The following CSMD1 variants were observed in gnomAD, a reference collection of about 807,000 sequenced individuals.
CSMD1 encodes CUB and sushi domain-containing protein 1.
CSMD1 carries 213 observed loss-of-function variants against 417.5 expected under a neutral mutation model. The ratio of observed to expected loss-of-function variants is 0.51; its 90% CI spans 0.46 to 0.57. The LOEUF is 0.57. Among genes scored for constraint, CSMD1 ranks in the 20% least tolerant of loss-of-function variants. The pLI is 0.00. For missense variants in CSMD1, 6,923 were observed against 4,529.7 expected, an observed-to-expected ratio of 1.53 and a Z score of -15.17; for synonymous variants, 2,862 against 1,736.8, an observed-to-expected ratio of 1.65 and a Z score of -16.11.
intron 3 of CSMD1, among the ~76,000 whole-genome samples, chr8:4,156,801 A>G (rs1320072109): frequency 6.6e-6 from 1 of 152,170 alleles, no homozygotes; most frequent in East Asian, 1.9e-4. Context: ...CAAATTACAG[A>G]TCCCAGCAGC....
intron 25 of CSMD1, among the ~76,000 whole-genome samples, chr8:3,306,713 CTG>C (rs1172514952): frequency 6.6e-6 from 1 of 152,148 alleles, no homozygotes; most frequent in African/African-American, 2.4e-5. Context: ...TTGGTTAGGA[CTG>C]TGTGTCCACT....
chr8:4,179,141 G>C (rs1386236333), intron 3 of CSMD1, among the ~76,000 whole-genome samples: 1 of 152,080 alleles, frequency 6.6e-6, no homozygotes, highest in Non-Finnish European at 1.5e-5. Context: ...GCCAAAGGAA[G>C]AAAGCTGGAG....
At chr8:4,772,319 G>C (rs113041143) in intron 1 of CSMD1, among the ~76,000 whole-genome samples, 1 of 152,096 alleles carries the variant, frequency 6.6e-6, no homozygotes, top group Non-Finnish European at 1.5e-5. Context: ...TCATCTTTAC[G>C]CATCTTCTAT....
At chr8:3,202,886 T>A (rs1049856574) in intron 31 of CSMD1, among the ~76,000 whole-genome samples, 1 of 152,194 alleles carries the variant, frequency 6.6e-6, no homozygotes, top group Admixed American at 6.5e-5. Flanking sequence ...GCATGTAGGC[T>A]AGGTGAATTT....
intron 3 of CSMD1, among the ~76,000 whole-genome samples, chr8:4,091,663 A>C (rs961983880): frequency 6.6e-6 from 1 of 152,202 alleles, no homozygotes; most frequent in Admixed American, 6.5e-5. Flanking sequence ...CTTCAAAATC[A>C]ATGCTCACTC....
intron 1 of CSMD1, among the ~76,000 whole-genome samples, chr8:4,926,762 A>G (rs920535200): frequency 1.3e-5 from 2 of 152,252 alleles, no homozygotes; most frequent in African/African-American, 4.8e-5. Context: ...AAATTCACCA[A>G]TGCTTTCATG....
intron 2 of CSMD1, among the ~76,000 whole-genome samples, chr8:4,540,707 C>A (rs1053194225): frequency 6.6e-6 from 1 of 152,164 alleles, no homozygotes; most frequent in Non-Finnish European, 1.5e-5. Flanking sequence ...ACTGTAACTG[C>A]GGATGCTTAC....
chr8:4,003,415 C>CAAAT lies in CSMD1; in HGVS notation c.611-5306_611-5305insATTT, dbSNP rs1444043117. Reference sequence around the variant, plus strand: ...CTCAATAAACAAACAAACAAAAAAACAAACAAATAAATAAATAAATAAATA... The same window carrying CAAAT: ...CTCAATAAACAAACAAACAAAAAAACAAATAAACAAATAAATAAATAAATAAATA... On this transcript the variant is annotated intron_variant, in intron 4 of 69. Coordinates refer to ENST00000635120, the MANE Select transcript of CSMD1 (RefSeq NM_033225.6). Among the ~76,000 whole-genome samples, 99 of 134,080 alleles carry CAAAT rather than the reference C, an allele frequency of 7.4e-4. 1 individual carries two copies. The Middle Eastern group carries it at 0.011, about 15-fold the overall frequency. The allele number at this position is 134,080 out of a possible 152,430, so 88.0% of individuals were successfully genotyped here.
At chr8:4,186,866 A>G (rs1190842313) in intron 3 of CSMD1, among the ~76,000 whole-genome samples, 2 of 150,052 alleles carry the variant, frequency 1.3e-5, no homozygotes, top group African/African-American at 2.5e-5. Context: ...CGTGGTGTTG[A>G]GTGCCTGTAG....
chr8:4,862,008 A>G (rs1802165441), intron 1 of CSMD1, among the ~76,000 whole-genome samples: 3 of 152,048 alleles, frequency 2.0e-5, no homozygotes, highest in African/African-American at 7.3e-5. Flanking sequence ...ATAAAGTAGG[A>G]TTTTGGAGTT....
chr8:3,547,252 T>C (rs1399338484), intron 10 of CSMD1, among the ~76,000 whole-genome samples: 2 of 152,224 alleles, frequency 1.3e-5, no homozygotes, highest in Non-Finnish European at 2.9e-5. Flanking sequence ...TCTTGTGTTA[T>C]GAGCACCAAG....
At chr8:4,476,957 A>G (rs1245375581) in intron 2 of CSMD1, among the ~76,000 whole-genome samples, 2 of 152,208 alleles carry the variant, frequency 1.3e-5, no homozygotes, top group African/African-American at 4.8e-5. Context: ...AAAGAAAAGC[A>G]TGAGGTGTGC....
At chr8:4,329,446 A>T (rs1799744314) in intron 3 of CSMD1, among the ~76,000 whole-genome samples, 1 of 152,014 alleles carries the variant, frequency 6.6e-6, no homozygotes, top group East Asian at 1.9e-4. Flanking sequence ...GCGTCAGCAC[A>T]CTGGCTAATT....
chr8:4,871,878 G>T (rs535898844), intron 1 of CSMD1, among the ~76,000 whole-genome samples: 2 of 152,164 alleles, frequency 1.3e-5, no homozygotes, highest in South Asian at 4.1e-4. Context: ...ATTGCTTGAT[G>T]GATGACACCT....
intron 3 of CSMD1, among the ~76,000 whole-genome samples, chr8:4,096,261 G>GATAGC (rs1801003614): frequency 6.6e-6 from 1 of 152,044 alleles, no homozygotes; most frequent in Admixed American, 6.6e-5. Flanking sequence ...GCTAGCTCTT[G>GATAGC]ATAGCAAGCA....
At chr8:4,169,135 G>T (rs771747678) in intron 3 of CSMD1, among the ~76,000 whole-genome samples, 2 of 152,148 alleles carry the variant, frequency 1.3e-5, no homozygotes, top group East Asian at 3.9e-4. Flanking sequence ...CTCACTGGTG[G>T]TGATGCCCAG....
intron 10 of CSMD1, among the ~76,000 whole-genome samples, chr8:3,536,557 T>C (rs149907559): frequency 6.6e-4 from 101 of 152,334 alleles, no homozygotes; most frequent in East Asian, 6.6e-3. Context: ...GCCTGGTTCC[T>C]GGTAGAAATT....
At chr8:3,589,813 C>G (rs116595511) in intron 8 of CSMD1, among the ~76,000 whole-genome samples, 1 of 152,066 alleles carries the variant, frequency 6.6e-6, no homozygotes, top group Non-Finnish European at 1.5e-5. Context: ...CTTGATTTGA[C>G]CATTTCACAA....
At chr8:4,738,501 C>G (rs1395384121) in intron 1 of CSMD1, among the ~76,000 whole-genome samples, 1 of 152,072 alleles carries the variant, frequency 6.6e-6, no homozygotes, top group Non-Finnish European at 1.5e-5. Context: ...TGGGGAAAAT[C>G]ACCTCCATGA....
Sources: allele counts gnomAD v4.1 joint callset (sites outside exome capture counted in the v4.1 genomes callset), GRCh38; gene constraint gnomAD v4.1.1; transcripts MANE v1.5; gene names NCBI Gene and HGNC (gene_info 2026-07-23, HGNC 2026-07-21).